Variants in FAM107B observed in about 807,000 individuals in gnomAD.
FAM107B encodes family with sequence similarity 107 member B.
A neutral mutation model predicts 31.5 loss-of-function variants in FAM107B; 21 were observed. That is an observed-to-expected ratio of 0.67 (90% confidence interval 0.47 to 0.96). The LOEUF (loss-of-function observed/expected upper bound fraction) is 0.96, where lower values mean the gene tolerates loss of function less well. Ranked by LOEUF, FAM107B falls within the 40% of genes least tolerant of loss-of-function variation. The probability of loss-of-function intolerance (pLI) is 0.00; values close to 1 mark genes in which losing one functional copy is unlikely to be tolerated. For synonymous variants in FAM107B, 157 were observed against 141.5 expected, an observed-to-expected ratio of 1.11 and a Z score of -0.78; for missense variants, 452 against 377.1, an observed-to-expected ratio of 1.20 and a Z score of -1.64.
intron 1 of FAM107B, among the ~76,000 whole-genome samples, chr10:14,762,878 A>AC (rs1833085116): frequency 6.6e-6 from 1 of 151,922 alleles, no homozygotes; most frequent in Non-Finnish European, 1.5e-5. Context: ...TTGGTCCTTT[A>AC]CCCCCATTTG....
chr10:14,581,237 C>T (rs1198733412), intron 2 of FAM107B, among the ~76,000 whole-genome samples: 2 of 152,292 alleles, frequency 1.3e-5, no homozygotes, highest in Admixed American at 1.3e-4. Flanking sequence ...GGCCCGGAGG[C>T]CTCTGCAGCA....
chr10:14,676,666 A>T (rs1854690269), intron 1 of FAM107B, among the ~76,000 whole-genome samples: 1 of 152,166 alleles, frequency 6.6e-6, no homozygotes, highest in African/African-American at 2.4e-5. Flanking sequence ...TCTTTATTCT[A>T]TTAACTAAAA....
At chr10:14,712,778 A>G (rs1333025341) in intron 1 of FAM107B, among the ~76,000 whole-genome samples, 2 of 152,092 alleles carry the variant, frequency 1.3e-5, no homozygotes, top group Non-Finnish European at 2.9e-5. Flanking sequence ...GTTGTTTTTC[A>G]TTTCTTTGTT....
At chr10:14,652,040 G>A (rs1003376056) in intron 2 of FAM107B, among the ~76,000 whole-genome samples, 6 of 152,114 alleles carry the variant, frequency 3.9e-5, no homozygotes, top group East Asian at 1.9e-4. Flanking sequence ...TTGTACAGTC[G>A]GAGAGAAGGG....
intron 1 of FAM107B, among the ~76,000 whole-genome samples, chr10:14,669,541 T>C (rs1854493399): frequency 6.6e-6 from 1 of 152,024 alleles, no homozygotes; most frequent in Admixed American, 6.6e-5. Flanking sequence ...ATGTGGTAAA[T>C]ATACACAATG....
intron 2 of FAM107B, among the ~76,000 whole-genome samples, chr10:14,603,880 C>T (rs549884837): frequency 6.6e-6 from 1 of 151,298 alleles, no homozygotes; most frequent in Non-Finnish European, 1.5e-5. Context: ...GGCGGGCATA[C>T]GGCGCACACG....
At chr10:14,708,893 T>C (rs12357085) in intron 1 of FAM107B, among the ~76,000 whole-genome samples, 152 of 79,834 alleles carry the variant, frequency 1.9e-3, no homozygotes, top group South Asian at 9.3e-3. Flanking sequence ...ATGCTCAATA[T>C]AGATGTCATT....
intron 2 of FAM107B, among the ~76,000 whole-genome samples, chr10:14,650,801 A>C (rs1231249643): frequency 2.0e-5 from 3 of 152,262 alleles, no homozygotes; most frequent in Non-Finnish European, 4.4e-5. Flanking sequence ...AAATTTCAAG[A>C]AGTCGTATAT....
At chr10:14,567,873 T>G (rs970386861) in intron 2 of FAM107B, among the ~76,000 whole-genome samples, 1 of 152,140 alleles carries the variant, frequency 6.6e-6, no homozygotes, top group South Asian at 2.1e-4. Context: ...CCTCCTAGTT[T>G]GAGCACTGAA....
chr10:14,744,774 T>G (rs1011838201), intron 1 of FAM107B, among the ~76,000 whole-genome samples: 5 of 152,140 alleles, frequency 3.3e-5, no homozygotes, highest in African/African-American at 9.7e-5. Flanking sequence ...AGTTTTACAT[T>G]GATGTTCACC....
At chr10:14,539,715 G>C (rs183704746) in intron 2 of FAM107B, among the ~76,000 whole-genome samples, 8 of 152,252 alleles carry the variant, frequency 5.3e-5, no homozygotes, top group Middle Eastern at 3.4e-3. Flanking sequence ...ATGGCTTAAG[G>C]GGGGAATAAA....
intron 1 of FAM107B, among the ~76,000 whole-genome samples, chr10:14,744,511 G>C (rs1304452155): frequency 6.6e-6 from 1 of 152,058 alleles, no homozygotes; most frequent in South Asian, 2.1e-4. Flanking sequence ...GTGTTTTGAG[G>C]TATGTCCCAT....
At position 14,703,327 on chromosome 10, in the gene FAM107B, C is replaced by CTT. The variant is rs532320563; in HGVS notation, c.412-35638_412-35637dup. Among the ~76,000 whole-genome samples the CTT allele has an allele frequency of 1.6e-3, 222 of 138,854 alleles. 3 individuals carry two copies. The highest frequency in any genetic ancestry group is 4.8e-3 in the African/African-American group (181 of 37,520). 91.1% of individuals were successfully genotyped at this position (138,854 alleles called of 152,430 possible). ...AGTTTGTTTCCTTTTCCTTCTTCTT[C>CTT]TTTTTTTTTTTTTTTTTCTGAGACA... On this transcript the variant is annotated intron_variant, in intron 1 of 4. Transcript: ENST00000181796.
intron 2 of FAM107B, among the ~76,000 whole-genome samples, chr10:14,621,958 T>C (rs1853022524): frequency 6.6e-6 from 1 of 152,230 alleles, no homozygotes; most frequent in Non-Finnish European, 1.5e-5. Context: ...TGCTCTGTGA[T>C]TCCAGGTCTT....
chr10:14,587,915 C>G (rs1851895643), intron 2 of FAM107B, among the ~76,000 whole-genome samples: 1 of 152,190 alleles, frequency 6.6e-6, no homozygotes, highest in African/African-American at 2.4e-5. Flanking sequence ...CTCCTGCACT[C>G]AATCCTATGA....
chr10:14,623,225 C>T (rs1853061906), intron 2 of FAM107B, among the ~76,000 whole-genome samples: 1 of 152,154 alleles, frequency 6.6e-6, no homozygotes, highest in African/African-American at 2.4e-5. Flanking sequence ...CGCAATAAAG[C>T]AATAAGGCAA....
chr10:14,596,089 C>A (rs1852180577), intron 2 of FAM107B, among the ~76,000 whole-genome samples: 1 of 152,228 alleles, frequency 6.6e-6, no homozygotes, highest in African/African-American at 2.4e-5. Context: ...TGGCTCCTCC[C>A]ACACAGGCCC....
chr10:14,572,254 C>A, intron 2 of FAM107B: 9 of 985,456 alleles, frequency 9.1e-6, no homozygotes, highest in Non-Finnish European at 1.1e-5. Flanking sequence ...AACGTGCTGG[C>A]AGCACTGGTG....
intron 1 of FAM107B, among the ~76,000 whole-genome samples, chr10:14,762,802 A>ACAC (rs1491145461): frequency 6.8e-6 from 1 of 147,530 alleles, no homozygotes; most frequent in Admixed American, 6.7e-5. Flanking sequence ...ACACACACAC[A>ACAC]AAAAGAACAT....
Sources: gnomAD v4.1 joint callset for allele counts (sites outside exome capture counted in the v4.1 genomes callset) on GRCh38, gnomAD v4.1.1 for gene constraint, MANE v1.5 for transcripts, NCBI Gene and HGNC (gene_info 2026-07-23, HGNC 2026-07-21) for gene names.